MYO1E: variants seen among roughly 807,000 people sequenced by gnomAD.
The protein encoded by MYO1E is unconventional myosin-Ie.
In MYO1E, 68 loss-of-function variants were observed where a neutral mutation model predicts 151.1. That is an observed-to-expected ratio of 0.45 (90% CI 0.37 to 0.55). The LOEUF is 0.55. MYO1E is among the 20% of genes least tolerant of loss of function. MYO1E has a pLI of 0.00. For synonymous variants in MYO1E, 601 were observed against 501.7 expected (o/e 1.20, Z -2.64); for missense variants, 1,363 against 1,389.3 (o/e 0.98, Z 0.30).
At chr15:59,352,925 C>T (rs1363441003) in intron 1 of MYO1E, among the ~76,000 whole-genome samples, 1 of 152,160 alleles carries the variant, frequency 6.6e-6, no homozygotes, top group Non-Finnish European at 1.5e-5. Context: ...ACAGCATTAT[C>T]CTGTATTTGT....
At chr15:59,206,679 A>G (rs563671244) in intron 14 of MYO1E, 9 of 486,314 alleles carry the variant, frequency 1.9e-5, no homozygotes, top group Non-Finnish European at 2.5e-5. Context: ...CATGTCAACT[A>G]TTGATAATAC....
At chr15:59,312,468 G>C (rs1308893723) in intron 1 of MYO1E, among the ~76,000 whole-genome samples, 2 of 152,142 alleles carry the variant, frequency 1.3e-5, no homozygotes, top group Non-Finnish European at 2.9e-5. Context: ...AGGAGCAGCT[G>C]TCACTACTGC....
chr15:59,247,860 G>A (rs1251547319), intron 4 of MYO1E, among the ~76,000 whole-genome samples: 3 of 152,136 alleles, frequency 2.0e-5, no homozygotes, highest in Non-Finnish European at 4.4e-5. Flanking sequence ...GGCAGCTCAC[G>A]CCTATAATCA....
intron 21 of MYO1E, among the ~76,000 whole-genome samples, chr15:59,172,867 T>G (rs1325734591): frequency 1.3e-5 from 2 of 152,266 alleles, no homozygotes; most frequent in East Asian, 3.8e-4. Context: ...CACCCCTGTG[T>G]GCATCCAGGG....
Position 59,158,329 on chromosome 15 carries a change from G to C in MYO1E, c.2836C>G (p.Gln946Glu), listed in dbSNP as rs754409024. The change falls in exon 25 of 28, where the codon CAA becomes GAA. Residue 946 changes from glutamine (Q) to glutamate (E), a missense_variant. Physicochemically the swap from Gln to Glu is conservative, Grantham distance 29 (BLOSUM62 2). Coordinates refer to ENST00000288235, the MANE Select transcript of MYO1E (RefSeq NM_004998.4). ...GCTCTCACTGGGTAGTTGGCATTTTGAGTCCCACTGGAATAACCTGTATTT... is the reference window on the plus strand; with the variant it reads ...GCTCTCACTGGGTAGTTGGCATTTTCAGTCCCACTGGAATAACCTGTATTT... ...TQNTGYSSGT[Q>E]NANYPVRAAP... is the part of the protein sequence containing the mutation. The C allele has an allele frequency of 2.2e-5, 34 of 1,577,644 alleles. No homozygotes were observed. Among genetic ancestry groups the C allele is most frequent in the Non-Finnish European group, 2.8e-5 (33 of 1,159,538 alleles).
chr15:59,332,865 G>A (rs1335907424), intron 1 of MYO1E, among the ~76,000 whole-genome samples: 1 of 152,022 alleles, frequency 6.6e-6, no homozygotes, highest in Admixed American at 6.6e-5. Context: ...GACCGGCCCT[G>A]GGATTCTATT....
intron 1 of MYO1E, among the ~76,000 whole-genome samples, chr15:59,291,579 T>C (rs1182838203): frequency 8.0e-5 from 12 of 150,554 alleles, no homozygotes; most frequent in African/African-American, 2.9e-4. Context: ...CTCACACCTG[T>C]AATCCCAGCA....
At chr15:59,164,581 C>T (rs1317503466) in intron 22 of MYO1E, among the ~76,000 whole-genome samples, 1 of 152,184 alleles carries the variant, frequency 6.6e-6, no homozygotes, top group Non-Finnish European at 1.5e-5. Flanking sequence ...GAGGACTGAG[C>T]TGTGGAGAAT....
intron 18 of MYO1E, among the ~76,000 whole-genome samples, chr15:59,185,118 A>AT (rs1204694691): frequency 1.3e-5 from 2 of 152,064 alleles, no homozygotes. Flanking sequence ...TCTTTTGCTC[A>AT]TTTTTTTGAT....
At position 59,236,363 on chromosome 15, in the gene MYO1E, A is replaced by AAAATATAT. The variant is rs1387709265; in HGVS notation, c.420+221_420+222insATATATTT. ...TCTGTCTCAAAAAAGAAAAAAAAAAAATATATACACACACACACACACACA... is the reference window on the plus strand; with the variant it reads ...TCTGTCTCAAAAAAGAAAAAAAAAAAAAATATATATATATACACACACACACACACACA... On this transcript the variant is annotated intron_variant, in intron 5 of 27. Coordinates refer to ENST00000288235, the MANE Select transcript of MYO1E (RefSeq NM_004998.4). Among the ~76,000 whole-genome samples the AAAATATAT allele has an allele frequency of 4.3e-4, 26 of 60,764 alleles. 1 individual carries two copies. Among genetic ancestry groups the AAAATATAT allele is most frequent in the African/African-American group, 9.5e-4 (20 of 21,016 alleles). The allele number at this position is 60,764 out of a possible 152,430, so 39.9% of individuals were successfully genotyped here. A position where few individuals can be genotyped will look rare whatever the true frequency, so the allele number is the denominator to read the frequency against.
At chr15:59,318,105 C>T (rs1450786624) in intron 1 of MYO1E, among the ~76,000 whole-genome samples, 2 of 152,104 alleles carry the variant, frequency 1.3e-5, no homozygotes, top group Non-Finnish European at 2.9e-5. Context: ...ATTACAATTG[C>T]GATTTCATGA....
chr15:59,240,804 TA>T (rs1408915256), intron 4 of MYO1E, among the ~76,000 whole-genome samples: 2 of 152,190 alleles, frequency 1.3e-5, no homozygotes, highest in Admixed American at 1.3e-4. Flanking sequence ...GTTTGTGGTT[TA>T]AAAAGGACAA....
At chr15:59,266,312 G>T (rs1365908368) in intron 2 of MYO1E, among the ~76,000 whole-genome samples, 1 of 152,032 alleles carries the variant, frequency 6.6e-6, no homozygotes, top group East Asian at 1.9e-4. Context: ...TGTGGCCTAA[G>T]GTTAATTTTC....
At chr15:59,269,113 A>G (rs1326096239) in intron 2 of MYO1E, among the ~76,000 whole-genome samples, 1 of 152,192 alleles carries the variant, frequency 6.6e-6, no homozygotes, top group East Asian at 1.9e-4. Flanking sequence ...ATGCATTTTA[A>G]TTTCCAATAA....
At chr15:59,353,753 G>A (rs1225901499) in intron 1 of MYO1E, among the ~76,000 whole-genome samples, 15 of 57,566 alleles carry the variant, frequency 2.6e-4, no homozygotes, top group African/African-American at 7.4e-4. Context: ...GCAAAACTCC[G>A]TCTCAAAAAA....
intron 26 of MYO1E, among the ~76,000 whole-genome samples, chr15:59,139,672 A>C: frequency 7.3e-6 from 1 of 136,624 alleles, no homozygotes; most frequent in Non-Finnish European, 1.6e-5. Flanking sequence ...TCTCATTATT[A>C]CTCCACAGAT....
chr15:59,263,048 GA>G (rs1275828988), intron 2 of MYO1E, among the ~76,000 whole-genome samples: 1 of 151,528 alleles, frequency 6.6e-6, no homozygotes, highest in Middle Eastern at 3.2e-3. Flanking sequence ...ACAACACACA[GA>G]GACATTCAAA....
intron 7 of MYO1E, 136 bp from the exon 8 acceptor site, chr15:59,224,959 A>G (rs2079980402): frequency 1.7e-6 from 2 of 1,181,066 alleles, no homozygotes; most frequent in Non-Finnish European, 1.2e-6. Flanking sequence ...TGGCCCCCAA[A>G]TATGTACTTG....
chr15:59,358,654 G>A lies in MYO1E; in HGVS notation c.3+13844C>T, dbSNP rs192517797. Among the ~76,000 whole-genome samples, 6 of 152,142 alleles carry A rather than the reference G, an allele frequency of 3.9e-5. No homozygotes were observed. The East Asian group carries it at 1.2e-3, about 29-fold the overall frequency. ...TACTAATTTTCTAATTAATATCAAT[G>A]TATCCTCACCAGGAAAATGGGTTTT... On this transcript the variant is annotated intron_variant, in intron 1 of 27. Transcript: ENST00000288235.
Sources: allele counts gnomAD v4.1 joint callset (sites outside exome capture counted in the v4.1 genomes callset), GRCh38; gene constraint gnomAD v4.1.1; transcripts MANE v1.5; gene names NCBI Gene and HGNC (gene_info 2026-07-23, HGNC 2026-07-21).